TOX: variants seen among roughly 807,000 people sequenced by gnomAD.
TOX encodes the protein thymocyte selection-associated high mobility group box protein TOX.
Under a neutral mutation model 53.7 loss-of-function variants are expected in TOX, and 11 were observed. That is an observed-to-expected ratio of 0.20 (90% CI 0.13 to 0.34). The LOEUF (loss-of-function observed/expected upper bound fraction) is 0.34, where lower values mean the gene tolerates loss of function less well. Among genes scored for constraint, TOX ranks in the 10% least tolerant of loss-of-function variants. TOX has a pLI of 1.00. For synonymous variants in TOX, 225 were observed against 245.3 expected (o/e 0.92, Z 0.77); for missense variants, 570 against 664.6 (o/e 0.86, Z 1.56).
intron 3 of TOX, among the ~76,000 whole-genome samples, chr8:58,904,304 T>A (rs970939558): frequency 8.1e-6 from 1 of 124,124 alleles, no homozygotes; most frequent in African/African-American, 3.6e-5. Flanking sequence ...AGACGACATA[T>A]TTTTTTTTTT....
At chr8:58,863,804 G>C (rs1811050407) in intron 3 of TOX, among the ~76,000 whole-genome samples, 1 of 152,036 alleles carries the variant, frequency 6.6e-6, no homozygotes, top group African/African-American at 2.4e-5. Flanking sequence ...AGACAGATGA[G>C]ACTATCCCTG....
intron 3 of TOX, among the ~76,000 whole-genome samples, chr8:58,884,856 A>T (rs911544753): frequency 6.6e-6 from 1 of 152,152 alleles, no homozygotes; most frequent in Non-Finnish European, 1.5e-5. Flanking sequence ...TATTATTTGC[A>T]TGCATAATAA....
intron 1 of TOX, among the ~76,000 whole-genome samples, chr8:59,040,190 G>T (rs183504614): frequency 0.022 from 3,307 of 151,226 alleles, 85 homozygotes; most frequent in South Asian, 0.087. Flanking sequence ...TTAGCCGGGC[G>T]TAGTGGCGGG....
chr8:58,961,372 G>C (rs369985576), intron 1 of TOX, among the ~76,000 whole-genome samples: 12 of 152,132 alleles, frequency 7.9e-5, no homozygotes, highest in African/African-American at 2.9e-4. Context: ...TATCTAAACA[G>C]AATGAAATTA....
chr8:59,097,243 C>A (rs1804728450), intron 1 of TOX, among the ~76,000 whole-genome samples: 2 of 152,106 alleles, frequency 1.3e-5, no homozygotes, highest in Non-Finnish European at 2.9e-5. Context: ...AACAATGCCA[C>A]CAACTTCCAT....
At chr8:59,016,218 T>C (rs1814006854) in intron 1 of TOX, among the ~76,000 whole-genome samples, 1 of 152,154 alleles carries the variant, frequency 6.6e-6, no homozygotes, top group African/African-American at 2.4e-5. Flanking sequence ...AAAACAAGCA[T>C]CACTTATTCA....
At chr8:59,021,310 G>A (rs1466752032) in intron 1 of TOX, among the ~76,000 whole-genome samples, 2 of 150,422 alleles carry the variant, frequency 1.3e-5, no homozygotes, top group Non-Finnish European at 3.0e-5. Flanking sequence ...GGGAAGTGGG[G>A]AAGCAGGAGG....
Position 58,915,454 on chromosome 8 carries a change from C to T in TOX, c.411+23848G>A, listed in dbSNP as rs1258482961. Among the ~76,000 whole-genome samples the T allele has an allele frequency of 3.7e-5, 4 of 107,390 alleles. No individual in the cohort carries two copies. In the South Asian group the frequency reaches 1.6e-3, roughly 43 times the overall value. The allele number at this position is 107,390 out of a possible 152,430, so 70.5% of individuals were successfully genotyped here. ...CCAGCAGGGGCACACTGACACCTCA[C>T]ACGGCAGGGTATTCCAACAGACCTG... On this transcript the variant is annotated intron_variant, in intron 3 of 8. Coordinates refer to ENST00000361421, the MANE Select transcript of TOX (RefSeq NM_014729.3).
At chr8:58,905,305 G>A (rs1281748146) in intron 3 of TOX, among the ~76,000 whole-genome samples, 1 of 152,184 alleles carries the variant, frequency 6.6e-6, no homozygotes, top group African/African-American at 2.4e-5. Flanking sequence ...CACTCCCACA[G>A]AGGAACAATT....
chr8:59,032,766 G>A (rs758578707), intron 1 of TOX, among the ~76,000 whole-genome samples: 5 of 152,166 alleles, frequency 3.3e-5, no homozygotes, highest in South Asian at 4.1e-4. Flanking sequence ...TTGGGAGGCT[G>A]AGGCAGGTAG....
chr8:58,924,509 A>T (rs1812122429), intron 3 of TOX, among the ~76,000 whole-genome samples: 1 of 152,210 alleles, frequency 6.6e-6, no homozygotes, highest in Non-Finnish European at 1.5e-5. Context: ...CTCATCTCAC[A>T]CATTTTATGC....
At chr8:58,963,679 T>G (rs538889892) in intron 1 of TOX, among the ~76,000 whole-genome samples, 1 of 152,110 alleles carries the variant, frequency 6.6e-6, no homozygotes, top group Non-Finnish European at 1.5e-5. Context: ...GTCGCAGTGT[T>G]TTGTAGACTC....
At chr8:58,891,972 T>G (rs1420474915) in intron 3 of TOX, among the ~76,000 whole-genome samples, 1 of 152,190 alleles carries the variant, frequency 6.6e-6, no homozygotes, top group East Asian at 1.9e-4. Context: ...CCTAGTACAT[T>G]TTCTAAAGCA....
rs75933966 is a variant in TOX at position 58,939,458 on chromosome 8, G to A, written c.255C>T (p.His85=). 8,247 of 1,614,184 alleles carry A rather than the reference G, an allele frequency of 5.1e-3. 25 individuals carry two copies. The highest frequency in any genetic ancestry group is 6.1e-3 in the Non-Finnish European group (7,206 of 1,180,024). ...PPSLPDHSLV[H]LNEVESGYHS... is the part of the protein sequence containing the mutation. ...GGTAACCAGACTCAACTTCATTCAG[G>A]TGCACCAGCGAGTGGTCTGGGAGGG... The change falls in exon 3 of 9, where the codon CAC becomes CAT. Residue 85 remains histidine (H), a synonymous_variant. Coordinates refer to ENST00000361421, the MANE Select transcript of TOX (RefSeq NM_014729.3).
At chr8:59,001,361 T>C (rs968540731) in intron 1 of TOX, among the ~76,000 whole-genome samples, 2 of 152,192 alleles carry the variant, frequency 1.3e-5, no homozygotes, top group South Asian at 4.1e-4. Context: ...TGTGGTTCAA[T>C]CTCCCTTACT....
chr8:58,910,186 C>T (rs111488753), intron 3 of TOX, among the ~76,000 whole-genome samples: 5 of 152,070 alleles, frequency 3.3e-5, no homozygotes, highest in East Asian at 1.9e-4. Context: ...ATATGCAAAT[C>T]GTAAAAATAT....
At chr8:59,052,627 A>T (rs887496378) in intron 1 of TOX, among the ~76,000 whole-genome samples, 1 of 152,158 alleles carries the variant, frequency 6.6e-6, no homozygotes, top group Admixed American at 6.5e-5. Context: ...ATATGCTGTT[A>T]TGTTTTTACA....
At chr8:58,839,582 T>C (rs781435777) in intron 4 of TOX, among the ~76,000 whole-genome samples, 28 of 152,212 alleles carry the variant, frequency 1.8e-4, no homozygotes, top group Non-Finnish European at 3.4e-4. Context: ...AAATAAAGCA[T>C]TTTGGATAGG....
intron 2 of TOX, among the ~76,000 whole-genome samples, chr8:58,950,923 G>A (rs1420393236): frequency 6.6e-6 from 1 of 152,130 alleles, no homozygotes; most frequent in African/African-American, 2.4e-5. Context: ...AATATCCACT[G>A]TGTGATTGTT....
Sources: allele counts gnomAD v4.1 joint callset (sites outside exome capture counted in the v4.1 genomes callset), GRCh38; gene constraint gnomAD v4.1.1; transcripts MANE v1.5; gene names NCBI Gene and HGNC (gene_info 2026-07-23, HGNC 2026-07-21).